The following CCDC88A variants were observed in gnomAD, a reference collection of about 807,000 sequenced individuals.
CCDC88A encodes coiled-coil and HOOK domain protein 88A, also known as girdin.
A neutral mutation model predicts 234.3 loss-of-function variants in CCDC88A; 54 were observed. That is an observed-to-expected ratio of 0.23 (90% CI 0.19 to 0.29). The LOEUF (loss-of-function observed/expected upper bound fraction) is 0.29, where lower values mean the gene tolerates loss of function less well. Among genes scored for constraint, CCDC88A ranks in the 10% least tolerant of loss-of-function variants. The pLI is 1.00. For missense variants in CCDC88A, 1,832 were observed against 2,123.4 expected (o/e 0.86, Z 2.70); for synonymous variants, 753 against 737.8 (o/e 1.02, Z -0.33).
intron 2 of CCDC88A, chr2:55,397,384 C>T (rs2867177): frequency 0.32 from 48,233 of 152,020 alleles, 8,010 homozygotes; most frequent in East Asian, 0.54. Context: ...CGTAAGCCAC[C>T]GTGTCCAACC....
chr2:55,345,535 T>A (rs527318206), intron 10 of CCDC88A: 1 of 152,706 alleles, frequency 6.5e-6, no homozygotes, highest in Non-Finnish European at 1.5e-5. Context: ...TAGCTGGGCT[T>A]ACAGGCATGC....
At chr2:55,330,598 G>GT (rs369793831) in intron 16 of CCDC88A, among the ~76,000 whole-genome samples, 3,285 of 152,030 alleles carry the variant, frequency 0.022, 53 homozygotes, top group South Asian at 0.086. Flanking sequence ...GAGTTTCTGG[G>GT]TTTTTTTTGT....
Position 55,317,287 on chromosome 2 carries a change from T to C in CCDC88A, c.3665A>G (p.Glu1222Gly). The change falls in exon 21 of 33, where the codon GAA becomes GGA. Residue 1222 changes from glutamate to glycine, a missense_variant. Around this residue, in one of 6 missense-constraint regions of CCDC88A, gnomAD observed 1,282 missense variants for 1,543.6 expected, o/e 0.83. Transcript: ENST00000436346. The surrounding 1 kb of genome is among the most constrained non-coding windows in gnomAD (Gnocchi z 4.2). Reference sequence around the variant, plus strand: ...ATTTTCAAGCAGCATTTTTTCCTGTTCTACTTTGAGCATTTTTTCCAAATC... The same window carrying C: ...ATTTTCAAGCAGCATTTTTTCCTGTCCTACTTTGAGCATTTTTTCCAAATC... ...LEDLEKMLKV[E>G]QEKMLLENKN... 1 of 1,557,578 alleles carries C rather than the reference T, an allele frequency of 6.4e-7. No individual in the cohort carries two copies. Among genetic ancestry groups the C allele is most frequent in the Non-Finnish European group, 8.7e-7 (1 of 1,148,012 alleles).
intron 3 of CCDC88A, among the ~76,000 whole-genome samples, chr2:55,381,897 A>C (rs980031436): frequency 6.6e-6 from 1 of 152,200 alleles, no homozygotes; most frequent in Non-Finnish European, 1.5e-5. Context: ...AATACACAGA[A>C]ATGACAGTCC....
At chr2:55,364,843 T>C (rs759051927) in intron 5 of CCDC88A, among the ~76,000 whole-genome samples, 3 of 152,168 alleles carry the variant, frequency 2.0e-5, no homozygotes, top group Non-Finnish European at 4.4e-5. Flanking sequence ...AACCAACTGC[T>C]AGTATCACTG....
intron 2 of CCDC88A, chr2:55,394,453 G>C (rs923113696): frequency 6.6e-6 from 1 of 152,064 alleles, no homozygotes; most frequent in African/African-American, 2.4e-5. Context: ...ACCCAGTAAT[G>C]GGATAGCTGG....
rs1678606778 is a variant in CCDC88A at position 55,401,431 on chromosome 2, CT to C, written c.165-12546del. Reference sequence around the variant, plus strand: ...CCTGGATGACAGAGAAAGACTCTGTCTCCAAAAAAAAAAAAAATATATATAT... The same window carrying C: ...CCTGGATGACAGAGAAAGACTCTGTCCCAAAAAAAAAAAAAATATATATAT... On this transcript the variant is annotated intron_variant, in intron 2 of 32. Transcript: ENST00000436346. Among the ~76,000 whole-genome samples the C allele has an allele frequency of 1.3e-4, 2 of 14,878 alleles. 1 individual carries two copies. The highest frequency in any genetic ancestry group is 3.2e-4 in the Non-Finnish European group (2 of 6,292). 9.8% of individuals were successfully genotyped at this position (14,878 alleles called of 152,430 possible). A position where few individuals can be genotyped will look rare whatever the true frequency, so the allele number is the denominator to read the frequency against.
chr2:55,318,712 C>T, intron 19 of CCDC88A, 131 bp downstream of exon 19: 1 of 670,602 alleles, frequency 1.5e-6, no homozygotes, highest in Non-Finnish European at 2.2e-6. Flanking sequence ...TGGCATGGCA[C>T]TAAATAAAAA....
At chr2:55,354,882 T>C (rs1166919773) in intron 8 of CCDC88A, among the ~76,000 whole-genome samples, 1 of 151,722 alleles carries the variant, frequency 6.6e-6, no homozygotes, top group Non-Finnish European at 1.5e-5. Context: ...CCTTACTCTA[T>C]AAGCATTTTT....
chr2:55,310,921 T>G (rs1189857418), intron 23 of CCDC88A, among the ~76,000 whole-genome samples: 1 of 152,212 alleles, frequency 6.6e-6, no homozygotes, highest in African/African-American at 2.4e-5. Flanking sequence ...TCCACTGCCA[T>G]CCTGCTAGGA....
chr2:55,302,058 C>T lies in CCDC88A; in HGVS notation c.4486G>A (p.Val1496Met). ...TGTCCTGCTAGGACCATGGACTGCA[C>T]CAGGTCATTCATGGCTGGGATGCAA... is the stretch of plus-strand genomic sequence containing the variant. ...YRRSMSMNDL[V>M]QSMVLAGQWT... is the part of the protein sequence containing the mutation. The change falls in exon 27 of 33, where the codon GTG becomes ATG. Residue 1496 changes from valine (V) to methionine (M), a missense_variant. By Grantham distance (21) the Val-to-Met change is conservative (BLOSUM62 1). Around this residue, in one of 6 missense-constraint regions of CCDC88A, gnomAD observed 1,282 missense variants for 1,543.6 expected, o/e 0.83. Transcript: ENST00000436346. 1 of 1,613,694 alleles carries T rather than the reference C, an allele frequency of 6.2e-7. No homozygotes were observed. Among genetic ancestry groups the T allele is most frequent in the Non-Finnish European group, 8.5e-7 (1 of 1,179,608 alleles).
chr2:55,321,441 C>A (rs1037323114), intron 18 of CCDC88A, among the ~76,000 whole-genome samples: 41 of 151,686 alleles, frequency 2.7e-4, no homozygotes, highest in African/African-American at 9.2e-4. Flanking sequence ...GTCCCAGCTA[C>A]TCGGGAGGCT....
At chr2:55,407,070 C>T (rs1679717204) in intron 2 of CCDC88A, among the ~76,000 whole-genome samples, 1 of 152,000 alleles carries the variant, frequency 6.6e-6, no homozygotes. Flanking sequence ...TTTAATTAGC[C>T]AGGCATGGTG....
At chr2:55,368,446 CT>C (rs147114583) in intron 5 of CCDC88A, among the ~76,000 whole-genome samples, 2,479 of 150,706 alleles carry the variant, frequency 0.016, 73 homozygotes, top group African/African-American at 0.057. Flanking sequence ...TTCTCTCTCT[CT>C]TTCCCCCCTC....
At chr2:55,403,458 TAC>T (rs1019897603) in intron 2 of CCDC88A, 15 of 152,262 alleles carry the variant, frequency 9.9e-5, no homozygotes, top group Non-Finnish European at 2.1e-4. Flanking sequence ...TTATTTATTA[TAC>T]CTTACAAGTG....
intron 2 of CCDC88A, chr2:55,418,212 TAAG>T (rs1272631414): frequency 6.6e-6 from 1 of 152,302 alleles, no homozygotes; most frequent in Admixed American, 6.5e-5. Flanking sequence ...TCAAAACCTG[TAAG>T]AATACCTTAA....
intron 19 of CCDC88A, among the ~76,000 whole-genome samples, chr2:55,318,607 A>T (rs1489603804): frequency 1.3e-5 from 2 of 152,212 alleles, no homozygotes; most frequent in Non-Finnish European, 2.9e-5. Context: ...CGACTTAATG[A>T]AATGGTAGAA....
intron 2 of CCDC88A, among the ~76,000 whole-genome samples, chr2:55,391,377 T>C (rs1165722820): frequency 6.6e-6 from 1 of 152,002 alleles, no homozygotes; most frequent in Non-Finnish European, 1.5e-5. Flanking sequence ...ATCATTACAA[T>C]GTCCAGCATA....
At chr2:55,375,469 CTATATATATATATATA>C (rs869279076) in intron 3 of CCDC88A, among the ~76,000 whole-genome samples, 7,919 of 26,482 alleles carry the variant, frequency 0.3, 405 homozygotes, top group Middle Eastern at 0.43. Flanking sequence ...TGTCACTGTA[CTATATATATATATATA>C]TATATATATA....
Sources: gnomAD v4.1 joint callset for allele counts (sites outside exome capture counted in the v4.1 genomes callset) on GRCh38, gnomAD v4.1.1 for gene constraint, gnomAD v4.1.1 regional missense constraint, Gnocchi (gnomAD v3.1) non-coding constraint, MANE v1.5 for transcripts, NCBI Gene and HGNC (gene_info 2026-07-23, HGNC 2026-07-21) for gene names.